The following MRC1 variants were observed in gnomAD, a reference collection of about 807,000 sequenced individuals.
MRC1 encodes the protein mannose receptor C-type 1.
A neutral mutation model predicts 102.9 loss-of-function variants in MRC1; 62 were observed. That is an observed-to-expected ratio of 0.60 (90% CI 0.49 to 0.74). The LOEUF (loss-of-function observed/expected upper bound fraction) is 0.74, where lower values mean the gene tolerates loss of function less well. Ranked by LOEUF, MRC1 falls within the 30% of genes least tolerant of loss-of-function variation. The probability of loss-of-function intolerance (pLI) is 0.00; values close to 1 mark genes in which losing one functional copy is unlikely to be tolerated. For missense variants in MRC1, 1,237 were observed against 862.8 expected, an observed-to-expected ratio of 1.43 and a Z score of -5.43; for synonymous variants, 457 against 298.4, an observed-to-expected ratio of 1.53 and a Z score of -5.48.
At chr10:17,862,568 T>C (rs1833200050) in intron 10 of MRC1, among the ~76,000 whole-genome samples, 1 of 152,244 alleles carries the variant, frequency 6.6e-6, no homozygotes, top group African/African-American at 2.4e-5. Context: ...GTGTATCTTC[T>C]GTAATATTTA....
At chr10:17,830,205 C>T (rs1044510232) in intron 3 of MRC1, among the ~76,000 whole-genome samples, 34 of 151,272 alleles carry the variant, frequency 2.2e-4, no homozygotes, top group African/African-American at 7.6e-4. Context: ...GATCTTGGCT[C>T]ACCACAACCT....
At chr10:17,832,173 A>G (rs1353704275) in intron 3 of MRC1, among the ~76,000 whole-genome samples, 1 of 151,584 alleles carries the variant, frequency 6.6e-6, no homozygotes, top group Non-Finnish European at 1.5e-5. Flanking sequence ...CAGAAAGACC[A>G]AACTAGAATG....
chr10:17,839,622 A>G (rs1486127550), intron 4 of MRC1, among the ~76,000 whole-genome samples: 1 of 152,142 alleles, frequency 6.6e-6, no homozygotes, highest in Non-Finnish European at 1.5e-5. Flanking sequence ...CAACCTGAGC[A>G]CCATAGTGAG....
At chr10:17,857,742 A>AT (rs1266820763) in intron 9 of MRC1, among the ~76,000 whole-genome samples, 4 of 152,082 alleles carry the variant, frequency 2.6e-5, no homozygotes, top group Admixed American at 6.5e-5. Context: ...TAATAATGCA[A>AT]TTTTTTTCTG....
intron 5 of MRC1, chr10:17,844,963 C>T (rs1314269626): frequency 2.0e-6 from 1 of 504,378 alleles, no homozygotes; most frequent in African/African-American, 1.9e-5. Flanking sequence ...AGGTACCTCT[C>T]TTTGATAATG....
At chr10:17,832,296 A>C (rs1046073197) in intron 3 of MRC1, among the ~76,000 whole-genome samples, 1 of 151,346 alleles carries the variant, frequency 6.6e-6, no homozygotes, top group Admixed American at 6.6e-5. Flanking sequence ...GTTCTTTTAA[A>C]ACATGTTTTA....
chr10:17,910,167 C>T lies in MRC1; in HGVS notation c.4121-48C>T, dbSNP rs1427631057. 15 of 779,762 alleles carry T rather than the reference C, an allele frequency of 1.9e-5. No homozygotes were observed. In the East Asian group the frequency reaches 3.4e-4, roughly 18 times the overall value. The allele number at this position is 779,762 out of a possible 1,614,324, so 48.3% of individuals were successfully genotyped here. A position where few individuals can be genotyped will look rare whatever the true frequency, so the allele number is the denominator to read the frequency against. ...AAGCGAAGTTCTGCATAGCATGCAA[C>T]CCTCTGCCTCCCTCCACGTTTTCCA... is the stretch of plus-strand genomic sequence containing the variant. On this transcript the variant is annotated intron_variant, in intron 29 of 29. Transcript: ENST00000569591.
At chr10:17,904,269 C>T (rs1833868767) in intron 26 of MRC1, among the ~76,000 whole-genome samples, 2 of 152,214 alleles carry the variant, frequency 1.3e-5, no homozygotes, top group South Asian at 4.2e-4. Context: ...CTGTTGAGTG[C>T]CCTTTTATTT....
intron 17 of MRC1, among the ~76,000 whole-genome samples, chr10:17,876,653 C>T: frequency 6.6e-6 from 1 of 152,126 alleles, no homozygotes; most frequent in Non-Finnish European, 1.5e-5. Context: ...TAATTCTTAA[C>T]TAGTTGTTAT....
At chr10:17,847,486 C>T (rs2130638008) in intron 6 of MRC1, among the ~76,000 whole-genome samples, 1 of 152,208 alleles carries the variant, frequency 6.6e-6, no homozygotes, top group East Asian at 1.9e-4. Context: ...TCTGTTTTAT[C>T]TATAAACTCA....
intron 5 of MRC1, chr10:17,844,979 C>A (rs1838803753): frequency 1.8e-6 from 1 of 560,776 alleles, no homozygotes; most frequent in East Asian, 3.8e-5. Context: ...TAATGTAATC[C>A]GTTGTGACAA....
chr10:17,816,777 T>G (rs1589162637), intron 1 of MRC1, among the ~76,000 whole-genome samples: 1 of 152,176 alleles, frequency 6.6e-6, no homozygotes, highest in Non-Finnish European at 1.5e-5. Flanking sequence ...GTCTTTTGTG[T>G]TCCAATGTCA....
At chr10:17,872,429 T>C (rs1169631358) in intron 15 of MRC1, among the ~76,000 whole-genome samples, 3 of 152,208 alleles carry the variant, frequency 2.0e-5, no homozygotes, top group Non-Finnish European at 4.4e-5. Flanking sequence ...GAGTGTCCTA[T>C]GCTGTCAACA....
At chr10:17,844,668 C>T (rs1000609514) in intron 5 of MRC1, among the ~76,000 whole-genome samples, 2,334 of 152,256 alleles carry the variant, frequency 0.015, 38 homozygotes, top group South Asian at 0.084. Flanking sequence ...AATGATCCAT[C>T]CCATCAACCA....
At chr10:17,876,420 G>A (rs1449782341) in intron 17 of MRC1, among the ~76,000 whole-genome samples, 3 of 151,872 alleles carry the variant, frequency 2.0e-5, no homozygotes, top group African/African-American at 4.8e-5. Context: ...GCTAATTTTT[G>A]TATTTTTAGT....
At chr10:17,906,751 T>C (rs1833901263) in intron 26 of MRC1, 135 bp from the exon 27 acceptor site, 1 of 751,094 alleles carries the variant, frequency 1.3e-6, no homozygotes, top group African/African-American at 1.7e-5. Context: ...AACAAACACC[T>C]GCCCTTTGAA....
intron 11 of MRC1, among the ~76,000 whole-genome samples, chr10:17,865,037 A>G (rs1833244493): frequency 6.6e-6 from 1 of 152,148 alleles, no homozygotes; most frequent in South Asian, 2.1e-4. Context: ...TCTCGGAAAG[A>G]TTCTTTGACT....
rs938973219 is a variant in MRC1, at chr10:17,879,983, A to G, written c.2719+162A>G. On this transcript the variant is annotated intron_variant, in intron 19 of 29. Coordinates refer to ENST00000569591, the MANE Select transcript of MRC1 (RefSeq NM_002438.4). ...CAGCCTAACAGTTCAACTTGTAACG[A>G]GAATAGATGCTTAACATTTACACTA... 3.9e-5 allele frequency among the ~76,000 whole-genome samples: 6 copies of G among 152,352 alleles called. 1 individual carries two copies. Among genetic ancestry groups the G allele is most frequent in the East Asian group, 3.9e-4 (2 of 5,194 alleles).
chr10:17,846,868 T>C (rs1838833426), intron 6 of MRC1, among the ~76,000 whole-genome samples: 1 of 152,224 alleles, frequency 6.6e-6, no homozygotes, highest in Non-Finnish European at 1.5e-5. Context: ...TCCAATCTTT[T>C]ATTAATACAA....
Sources: allele counts gnomAD v4.1 joint callset (sites outside exome capture counted in the v4.1 genomes callset), GRCh38; gene constraint gnomAD v4.1.1; transcripts MANE v1.5; gene names NCBI Gene and HGNC (gene_info 2026-07-23, HGNC 2026-07-21).